Variants in MBD5 observed in about 807,000 individuals in gnomAD.
MBD5 encodes methyl-CpG-binding domain protein 5.
MBD5 carries 13 observed loss-of-function variants against 117.3 expected under a neutral mutation model. The observed-to-expected ratio is 0.11, with a 90% CI of 0.07 to 0.18. MBD5 has a LOEUF of 0.18. Among genes scored for constraint, MBD5 ranks in the 10% least tolerant of loss-of-function variants. The probability of loss-of-function intolerance (pLI) is 1.00; values close to 1 mark genes in which losing one functional copy is unlikely to be tolerated. For synonymous variants in MBD5, 727 were observed against 766.4 expected (o/e 0.95, Z 0.85); for missense variants, 1,879 against 2,093.8 (o/e 0.90, Z 2.00).
chr2:148,105,769 G>A (rs182245216), intron 1 of MBD5, among the ~76,000 whole-genome samples: 94 of 151,200 alleles, frequency 6.2e-4, no homozygotes, highest in African/African-American at 2.2e-3. Context: ...TCAATTCTCC[G>A]ATTAGTAACT....
chr2:148,279,556 A>G (rs1032710657), intron 3 of MBD5, among the ~76,000 whole-genome samples: 1 of 152,246 alleles, frequency 6.6e-6, no homozygotes, highest in Non-Finnish European at 1.5e-5. Context: ...CCCTTCATCC[A>G]GTCAAGATGA....
intron 3 of MBD5, chr2:148,296,141 A>C (rs1251885960): frequency 5.2e-6 from 1 of 191,912 alleles, no homozygotes. Flanking sequence ...TTTCTGAAAA[A>C]TTTCATGAAC....
Position 148,124,141 on chromosome 2 carries a change from G to A in MBD5, c.-924-54559G>A, listed in dbSNP as rs558304365. On this transcript the variant is annotated intron_variant, in intron 1 of 13. Transcript: ENST00000642680. ...TAAAAAATACAGAAATTAGCCAGGT[G>A]TGGCAGCACAAGCCTGTAATCCCAG... 2.2e-3 allele frequency among the ~76,000 whole-genome samples: 337 copies of A among 152,222 alleles called. 1 individual carries two copies. The highest frequency in any genetic ancestry group is 4.1e-3 in the Non-Finnish European group (278 of 68,000).
chr2:148,148,126 A>G (rs1697517396), intron 1 of MBD5, among the ~76,000 whole-genome samples: 1 of 152,188 alleles, frequency 6.6e-6, no homozygotes, highest in African/African-American at 2.4e-5. Flanking sequence ...AATATTCTGT[A>G]GGTAGCAATG....
At chr2:148,163,501 A>C (rs774100364) in intron 1 of MBD5, among the ~76,000 whole-genome samples, 1 of 152,110 alleles carries the variant, frequency 6.6e-6, no homozygotes, top group Non-Finnish European at 1.5e-5. Context: ...GGCTCACTGC[A>C]ACCTCCCAGG....
intron 3 of MBD5, among the ~76,000 whole-genome samples, chr2:148,333,863 CA>C (rs1403942677): frequency 6.6e-6 from 1 of 151,610 alleles, no homozygotes; most frequent in East Asian, 1.9e-4. Flanking sequence ...ATCTCAAAAA[CA>C]AAAAAATTCC....
At chr2:148,449,462 G>A (rs1706661224) in intron 4 of MBD5, among the ~76,000 whole-genome samples, 1 of 151,954 alleles carries the variant, frequency 6.6e-6, no homozygotes, top group Non-Finnish European at 1.5e-5. Context: ...CTAATTTAAA[G>A]ACTTGGAAAG....
intron 4 of MBD5, among the ~76,000 whole-genome samples, chr2:148,368,937 A>G (rs1212943580): frequency 6.6e-6 from 1 of 152,172 alleles, no homozygotes; most frequent in East Asian, 1.9e-4. Flanking sequence ...GACAGTGGAG[A>G]AACCAATGGA....
At chr2:148,109,257 C>T (rs1488805066) in intron 1 of MBD5, among the ~76,000 whole-genome samples, 1 of 151,940 alleles carries the variant, frequency 6.6e-6, no homozygotes, top group Non-Finnish European at 1.5e-5. Context: ...TGTACCCTAG[C>T]CTGGGCAACA....
At chr2:148,413,348 T>C (rs1033212533) in intron 4 of MBD5, among the ~76,000 whole-genome samples, 3 of 152,152 alleles carry the variant, frequency 2.0e-5, no homozygotes, top group African/African-American at 7.2e-5. Flanking sequence ...TTTGTTGTGC[T>C]TCTTAATTCA....
intron 4 of MBD5, among the ~76,000 whole-genome samples, chr2:148,377,452 A>G (rs754596283): frequency 3.3e-5 from 5 of 152,192 alleles, no homozygotes; most frequent in Non-Finnish European, 7.3e-5. Flanking sequence ...GACACTCAGT[A>G]TTAACCATCA....
chr2:148,400,579 CT>C (rs1559055483), intron 4 of MBD5, among the ~76,000 whole-genome samples: 1 of 152,048 alleles, frequency 6.6e-6, no homozygotes, highest in African/African-American at 2.4e-5. Context: ...TTGGTTTATT[CT>C]TTTTTTATGT....
At chr2:148,102,258 A>T (rs1461083453) in intron 1 of MBD5, among the ~76,000 whole-genome samples, 1 of 152,234 alleles carries the variant, frequency 6.6e-6, no homozygotes, top group Non-Finnish European at 1.5e-5. Context: ...CAATTATTTT[A>T]TCAAAACCTA....
At chr2:148,328,595 C>T (rs1452128546) in intron 3 of MBD5, among the ~76,000 whole-genome samples, 1 of 152,084 alleles carries the variant, frequency 6.6e-6, no homozygotes, top group Admixed American at 6.6e-5. Context: ...GTGGGAGTGA[C>T]CCAATTTTCC....
intron 3 of MBD5, among the ~76,000 whole-genome samples, chr2:148,248,511 T>C (rs895134011): frequency 6.6e-6 from 1 of 152,036 alleles, no homozygotes; most frequent in Non-Finnish European, 1.5e-5. Flanking sequence ...ACAGGTAAAA[T>C]TCCCCCAAAA....
At chr2:148,254,692 C>T (rs1475542255) in intron 3 of MBD5, among the ~76,000 whole-genome samples, 1 of 152,184 alleles carries the variant, frequency 6.6e-6, no homozygotes, top group Non-Finnish European at 1.5e-5. Context: ...CCATCAGGGA[C>T]CAACCTTGGT....
chr2:148,463,708 A>G, intron 6 of MBD5, 31 bp from the exon 7 acceptor site: 2 of 1,610,480 alleles, frequency 1.2e-6, no homozygotes, highest in Non-Finnish European at 1.7e-6. Flanking sequence ...TTTTACAGAC[A>G]TATTCTAAAC....
chr2:148,362,885 C>T (rs907735204), intron 4 of MBD5, among the ~76,000 whole-genome samples: 1 of 152,088 alleles, frequency 6.6e-6, no homozygotes, highest in African/African-American at 2.4e-5. Context: ...AGCAGACCTG[C>T]AGCAAAGGGG....
intron 11 of MBD5, among the ~76,000 whole-genome samples, chr2:148,497,580 T>C (rs1681740484): frequency 6.6e-6 from 1 of 152,010 alleles, no homozygotes; most frequent in Non-Finnish European, 1.5e-5. Context: ...TCCCAGCTAC[T>C]TGGGAGGCTA....
Sources: gnomAD v4.1 joint callset for allele counts (sites outside exome capture counted in the v4.1 genomes callset) on GRCh38, gnomAD v4.1.1 for gene constraint, MANE v1.5 for transcripts, NCBI Gene and HGNC (gene_info 2026-07-23, HGNC 2026-07-21) for gene names.